Variants in HDGFL3 observed in about 807,000 individuals in gnomAD.
HDGFL3 encodes HDGF like 3.
Under a neutral mutation model 27.6 loss-of-function variants are expected in HDGFL3, and 6 were observed. The observed-to-expected ratio is 0.22, with a 90% confidence interval of 0.12 to 0.43. The LOEUF is 0.43. Ranked by LOEUF, HDGFL3 falls within the 20% of genes least tolerant of loss-of-function variation. The pLI is 1.00. For synonymous variants in HDGFL3, 88 were observed against 88.9 expected, an observed-to-expected ratio of 0.99 and a Z score of 0.05; for missense variants, 207 against 250.1, an observed-to-expected ratio of 0.83 and a Z score of 1.16.
intron 3 of HDGFL3, chr15:83,121,945 A>G (rs1452214575): frequency 6.2e-7 from 1 of 1,610,550 alleles, no homozygotes; most frequent in East Asian, 2.2e-5. Flanking sequence ...CCATTGGCCT[A>G]TATTGGGTTG....
rs376138369 is a variant in HDGFL3 at position 83,112,904 on chromosome 15, C to T, written c.*2805G>A. The T allele has an allele frequency of 7.0e-5, 113 of 1,604,420 alleles. 1 individual carries two copies. The highest frequency in any genetic ancestry group is 1.6e-4 in the Middle Eastern group (1 of 6,064). Reference sequence around the variant, plus strand: ...CCCCGGGACCCACTGTTCTATGGTACGTCTCCACAAAGGGAAATCTTTTGT... The same window carrying T: ...CCCCGGGACCCACTGTTCTATGGTATGTCTCCACAAAGGGAAATCTTTTGT... On this transcript the variant is annotated 3_prime_UTR_variant, in exon 4 of 4. Coordinates refer to the HDGFL3 transcript ENST00000568294.
intron 1 of HDGFL3, among the ~76,000 whole-genome samples, chr15:83,173,565 TTC>T (rs2037272060): frequency 6.6e-6 from 1 of 152,228 alleles, no homozygotes; most frequent in Non-Finnish European, 1.5e-5. Context: ...TCTCTGGTTT[TTC>T]TCTTTCTAAT....
chr15:83,178,322 A>T (rs1771069635), intron 1 of HDGFL3, among the ~76,000 whole-genome samples: 1 of 152,232 alleles, frequency 6.6e-6, no homozygotes, highest in Non-Finnish European at 1.5e-5. Context: ...CTGATCTTAA[A>T]AAGATATAGT....
At chr15:83,193,102 T>C (rs781422966) in intron 1 of HDGFL3, among the ~76,000 whole-genome samples, 1 of 152,170 alleles carries the variant, frequency 6.6e-6, no homozygotes, top group African/African-American at 2.4e-5. Flanking sequence ...CTCTGCTTAT[T>C]TGAATAAATT....
At chr15:83,205,495 A>G (rs959344185) in intron 1 of HDGFL3, among the ~76,000 whole-genome samples, 1 of 152,234 alleles carries the variant, frequency 6.6e-6, no homozygotes. Flanking sequence ...ACAATTAGAT[A>G]TACAACTAGG....
intron 1 of HDGFL3, among the ~76,000 whole-genome samples, chr15:83,189,017 T>C (rs1265840640): frequency 6.6e-6 from 1 of 152,096 alleles, no homozygotes; most frequent in Non-Finnish European, 1.5e-5. Flanking sequence ...TTCCTCCCCC[T>C]CACAGACATA....
At chr15:83,112,851 G>A in exon 4 of HDGFL3, 1 of 1,614,134 alleles carries the variant, frequency 6.2e-7, no homozygotes, top group Non-Finnish European at 8.5e-7. Context: ...TAGCACTGCT[G>A]GCTCGTGTCC....
At chr15:83,206,460 G>A (rs1196256475) in intron 1 of HDGFL3, among the ~76,000 whole-genome samples, 1 of 152,326 alleles carries the variant, frequency 6.6e-6, no homozygotes, top group African/African-American at 2.4e-5. Flanking sequence ...ACACATGGCA[G>A]TGTTGTGTGT....
At chr15:83,126,704 T>C (rs758504897), downstream of HDGFL3, 6 of 1,492,440 alleles carry the variant, frequency 4.0e-6, no homozygotes, top group Admixed American at 9.1e-5. Flanking sequence ...TCAGCAAACC[T>C]AAGAACCAGA....
chr15:83,160,749 T>C (rs2037091666), intron 2 of HDGFL3, among the ~76,000 whole-genome samples: 1 of 152,074 alleles, frequency 6.6e-6, no homozygotes, highest in Non-Finnish European at 1.5e-5. Flanking sequence ...GGTTAACAGT[T>C]TACTATTGAT....
chr15:83,114,868 C>T (rs2034514722), exon 4 of HDGFL3: 1 of 152,192 alleles, frequency 6.6e-6, no homozygotes, highest in African/African-American at 2.4e-5. Context: ...TAGTTTTAAG[C>T]CCATTTAGGA....
intron 1 of HDGFL3, among the ~76,000 whole-genome samples, chr15:83,182,930 C>T (rs1045486164): frequency 1.3e-5 from 2 of 152,084 alleles, no homozygotes; most frequent in African/African-American, 4.8e-5. Flanking sequence ...TAGCAAAATG[C>T]TAACTATAGA....
exon 4 of HDGFL3, chr15:83,113,745 C>G (rs2034404022): frequency 6.6e-6 from 1 of 152,662 alleles, no homozygotes; most frequent in South Asian, 2.1e-4. Flanking sequence ...CCCAGGCATG[C>G]CCTTCTCATG....
chr15:83,136,731 T>C lies in HDGFL3; in HGVS notation c.*2539A>G, dbSNP rs1030319672. 4 of 1,424,670 alleles carry C rather than the reference T, an allele frequency of 2.8e-6. No homozygotes were observed. The highest frequency in any genetic ancestry group is 3.8e-6 in the Non-Finnish European group (4 of 1,043,700). 88.3% of individuals were successfully genotyped at this position (1,424,670 alleles called of 1,614,324 possible). On this transcript the variant is annotated 3_prime_UTR_variant, in exon 6 of 6. Transcript: ENST00000299633. Reference sequence around the variant, plus strand: ...CTAACTTTTGTTATACTGGTACTGATATTTTGTCCCATTTCACTCTCTTCT... The same window carrying C: ...CTAACTTTTGTTATACTGGTACTGACATTTTGTCCCATTTCACTCTCTTCT...
Position 83,169,630 on chromosome 15 carries a change from G to A in HDGFL3, c.85-5555C>T, listed in dbSNP as rs377630593. 4.0e-5 allele frequency among the ~76,000 whole-genome samples: 6 copies of A among 151,406 alleles called. No homozygotes were observed. In the South Asian group the frequency reaches 6.3e-4, roughly 16 times the overall value. ...CAGTCTGGCCAACATGCTAAACCCCGTCTCTACTAAAAATACCAAAATTAG... is the reference window on the plus strand; with the variant it reads ...CAGTCTGGCCAACATGCTAAACCCCATCTCTACTAAAAATACCAAAATTAG... On this transcript the variant is annotated intron_variant, in intron 1 of 5. Coordinates refer to ENST00000299633, the MANE Select transcript of HDGFL3 (RefSeq NM_016073.4).
intron 5 of HDGFL3, among the ~76,000 whole-genome samples, chr15:83,139,740 C>T (rs2036730510): frequency 6.6e-6 from 1 of 152,072 alleles, no homozygotes; most frequent in African/African-American, 2.4e-5. Context: ...TGACACATAG[C>T]TCAAACAAAT....
intron 2 of HDGFL3, among the ~76,000 whole-genome samples, chr15:83,160,450 G>A (rs1018711197): frequency 1.3e-5 from 2 of 151,890 alleles, no homozygotes; most frequent in Admixed American, 6.6e-5. Flanking sequence ...CTCCCAAAGT[G>A]CTGGGATTAC....
At chr15:83,146,430 C>A (rs544956465) in intron 5 of HDGFL3, among the ~76,000 whole-genome samples, 25 of 152,354 alleles carry the variant, frequency 1.6e-4, no homozygotes, top group African/African-American at 5.5e-4. Context: ...GCAACTACTG[C>A]AACCTTTCCA....
chr15:83,197,291 T>G (rs919969802), intron 1 of HDGFL3, among the ~76,000 whole-genome samples: 1 of 152,202 alleles, frequency 6.6e-6, no homozygotes, highest in Non-Finnish European at 1.5e-5. Context: ...TTTATAATAG[T>G]ATAGTGGGTC....
Sources: allele counts gnomAD v4.1 joint callset (sites outside exome capture counted in the v4.1 genomes callset), GRCh38; gene constraint gnomAD v4.1.1; transcripts MANE v1.5; gene names NCBI Gene and HGNC (gene_info 2026-07-23, HGNC 2026-07-21).